PCDHGB5: variants seen among roughly 807,000 people sequenced by gnomAD.
The protein encoded by PCDHGB5 is protocadherin gamma-B5.
Under a neutral mutation model 62.9 loss-of-function variants are expected in PCDHGB5, and 48 were observed. The ratio of observed to expected loss-of-function variants is 0.76; its 90% CI spans 0.61 to 0.97. The LOEUF is 0.97. Among genes scored for constraint, PCDHGB5 ranks in the 50% least tolerant of loss-of-function variants. PCDHGB5 has a pLI of 0.00. For synonymous variants in PCDHGB5, 474 were observed against 511.2 expected, an observed-to-expected ratio of 0.93 and a Z score of 0.98; for missense variants, 1,118 against 1,198.6, an observed-to-expected ratio of 0.93 and a Z score of 0.99.
intron 2 of PCDHGB5, among the ~76,000 whole-genome samples, chr5:141,501,719 T>C (rs1024307894): frequency 6.6e-6 from 1 of 152,028 alleles, no homozygotes; most frequent in African/African-American, 2.4e-5. Context: ...AAAAGACAAA[T>C]ATATTACCCA....
At position 141,438,591 on chromosome 5, in the gene PCDHGB5, CATATATATATATAT is replaced by C. The variant is rs946798767; in HGVS notation, c.2397+38099_2397+38112del. Among the ~76,000 whole-genome samples the C allele has an allele frequency of 7.9e-5, 6 of 75,562 alleles. No individual in the cohort carries two copies. The East Asian group carries it at 1.7e-3, about 22-fold the overall frequency. 49.6% of individuals were successfully genotyped at this position (75,562 alleles called of 152,430 possible). On this transcript the variant is annotated intron_variant, in intron 1 of 3. Transcript: ENST00000617380. ...TCTGATATACATACATACATACATA[CATATATATATATAT>C]ATATATATATATATATATATATATA...
intron 1 of PCDHGB5, chr5:141,404,707 C>T: frequency 6.2e-7 from 1 of 1,614,122 alleles, no homozygotes; most frequent in Non-Finnish European, 8.5e-7. Flanking sequence ...CAGAGCCTGG[C>T]TACCTGGTGA....
rs149553852 is a variant in PCDHGB5 at position 141,415,009 on chromosome 5, C to T, written c.2397+14485C>T. On this transcript the variant is annotated intron_variant, in intron 1 of 3. Coordinates refer to ENST00000617380, the MANE Select transcript of PCDHGB5 (RefSeq NM_018925.3). ...CCAGAACGCCTGGCTGTCCTACCGT[C>T]TGCTCAAGGCCAGCGAGCCGGGACT... 1.9e-3 allele frequency: 3,040 copies of T among 1,613,658 alleles called. 49 individuals are homozygous for T. In the African/African-American group the frequency reaches 0.033, roughly 18 times the overall value.
At chr5:141,467,103 AGTACAATG>A (rs1438695307) in intron 1 of PCDHGB5, among the ~76,000 whole-genome samples, 1 of 147,462 alleles carries the variant, frequency 6.8e-6, no homozygotes, top group East Asian at 2.0e-4. Flanking sequence ...CACAGGCTGG[AGTACAATG>A]GTGCAATCTC....
chr5:141,404,550 C>A (rs372202008), intron 1 of PCDHGB5: 3 of 1,613,768 alleles, frequency 1.9e-6, no homozygotes, highest in Admixed American at 1.7e-5. Flanking sequence ...ATGCAGGTGA[C>A]GGCAAGTGAC....
At chr5:141,471,361 CT>C (rs2099255928) in intron 1 of PCDHGB5, 1 of 151,976 alleles carries the variant, frequency 6.6e-6, no homozygotes, top group Non-Finnish European at 1.5e-5. Flanking sequence ...TCCAAGCCCC[CT>C]ATTTTTATTT....
intron 1 of PCDHGB5, among the ~76,000 whole-genome samples, chr5:141,492,862 G>A (rs2099744602): frequency 6.6e-6 from 1 of 152,198 alleles, no homozygotes. Context: ...GAGCGCCCTG[G>A]CTCTCAACCC....
chr5:141,428,729 ATAT>A (rs2097158318), intron 1 of PCDHGB5: 2 of 159,768 alleles, frequency 1.3e-5, no homozygotes. Flanking sequence ...AATCTTAAAC[ATAT>A]TATATCTACT....
intron 2 of PCDHGB5, among the ~76,000 whole-genome samples, chr5:141,502,404 C>G (rs1270930372): frequency 6.6e-6 from 1 of 151,880 alleles, no homozygotes; most frequent in African/African-American, 2.4e-5. Context: ...TGTCCCCGAA[C>G]CTGGATTTGC....
intron 2 of PCDHGB5, among the ~76,000 whole-genome samples, chr5:141,500,125 T>C (rs1367341826): frequency 2.0e-5 from 3 of 151,970 alleles, no homozygotes; most frequent in African/African-American, 4.8e-5. Flanking sequence ...CCTTTTCATA[T>C]ATATCTTTCT....
intron 3 of PCDHGB5, 85 bp from the exon 4 acceptor site, chr5:141,510,862 C>A: frequency 6.2e-7 from 1 of 1,606,772 alleles, no homozygotes. Context: ...GCTGTATAGG[C>A]ATTCATTAAC....
intron 1 of PCDHGB5, chr5:141,428,189 CTCTCTGCGCCGCTACGCTTCACCTAG>C: frequency 7.0e-7 from 1 of 1,429,262 alleles, no homozygotes; most frequent in Non-Finnish European, 9.7e-7. Flanking sequence ...ACAGCCGCCG[CTCTCTGCGCCGCTACGCTTCACCTAG>C]TCTTCGCAGA....
chr5:141,476,366 G>T lies in PCDHGB5; in HGVS notation c.2398-18441G>T, dbSNP rs1025903110. The T allele has an allele frequency of 6.2e-7, 1 of 1,614,026 alleles. No individual in the cohort carries two copies. The highest frequency in any genetic ancestry group is 8.5e-7 in the Non-Finnish European group (1 of 1,180,028). On this transcript the variant is annotated intron_variant, in intron 1 of 3. Coordinates refer to ENST00000617380, the MANE Select transcript of PCDHGB5 (RefSeq NM_018925.3). The surrounding 1 kb of genome is among the most constrained non-coding windows in gnomAD (Gnocchi z 7.6). The stretch of plus-strand genomic sequence containing the variant: ...ATTCTTTGAGGTGAACCGGGAGACC[G>T]GAGAGATGTTTGTGAACGACCGTCT...
chr5:141,449,165 G>A (rs144669334), intron 1 of PCDHGB5, among the ~76,000 whole-genome samples: 3 of 152,234 alleles, frequency 2.0e-5, no homozygotes, highest in Admixed American at 1.3e-4. Context: ...GGAAATAGGT[G>A]TAATTTTCTT....
Position 141,405,325 on chromosome 5 carries a change from G to C in PCDHGB5, c.2397+4801G>C, listed in dbSNP as rs17097274. ...AGAGCTGTGAGAAAAATGAGCCTTT[G>C]TGCGTCTCTGTTGATTCCAAGTTTC... On this transcript the variant is annotated intron_variant, in intron 1 of 3. Transcript: ENST00000617380. The C allele has an allele frequency of 9.4e-4, 1,513 of 1,614,170 alleles. 9 individuals are homozygous for C. The African/African-American group carries it at 0.016, about 17-fold the overall frequency.
At chr5:141,479,975 C>A (rs1459297521) in intron 1 of PCDHGB5, among the ~76,000 whole-genome samples, 1 of 152,186 alleles carries the variant, frequency 6.6e-6, no homozygotes, top group East Asian at 1.9e-4. Context: ...TGAGGTTCTA[C>A]CATTTACCAA....
chr5:141,415,740 GTTTTTTTTTTTTTTTTT>G (rs57426385), intron 1 of PCDHGB5: 62 of 625,030 alleles, frequency 9.9e-5, no homozygotes, highest in East Asian at 4.1e-4. Flanking sequence ...GTTTATTAAG[GTTTTTTTTTTTTTTTTT>G]TTTTTTTTTT....
intron 1 of PCDHGB5, among the ~76,000 whole-genome samples, chr5:141,466,519 C>A (rs1406838553): frequency 6.6e-6 from 1 of 151,864 alleles, no homozygotes; most frequent in Non-Finnish European, 1.5e-5. Flanking sequence ...CATTTTTTTT[C>A]CTCCCAAATT....
chr5:141,404,739 G>A, intron 1 of PCDHGB5: 1 of 1,614,092 alleles, frequency 6.2e-7, no homozygotes, highest in Non-Finnish European at 8.5e-7. Flanking sequence ...GCAGTGGACA[G>A]AGACTCAGGC....
Sources: allele counts gnomAD v4.1 joint callset (sites outside exome capture counted in the v4.1 genomes callset), GRCh38; gene constraint gnomAD v4.1.1; non-coding constraint Gnocchi (gnomAD v3.1); transcripts MANE v1.5; gene names NCBI Gene and HGNC (gene_info 2026-07-23, HGNC 2026-07-21).